The following CNTRL variants were observed in gnomAD, a reference collection of about 807,000 sequenced individuals.
CNTRL encodes the protein 110 kDa centrosomal protein.
CNTRL carries 233 observed loss-of-function variants against 303.7 expected under a neutral mutation model. The observed-to-expected ratio is 0.77, with a 90% CI of 0.69 to 0.86. The LOEUF (loss-of-function observed/expected upper bound fraction) is 0.86, where lower values mean the gene tolerates loss of function less well. Among genes scored for constraint, CNTRL ranks in the 40% least tolerant of loss-of-function variants. The pLI is 0.00. For missense variants in CNTRL, 2,524 were observed against 2,650.6 expected (o/e 0.95, Z 1.05); for synonymous variants, 900 against 922.2 (o/e 0.98, Z 0.44).
At chr9:121,085,874 G>A (rs376274675) in intron 2 of CNTRL, among the ~76,000 whole-genome samples, 21 of 152,276 alleles carry the variant, frequency 1.4e-4, no homozygotes, top group African/African-American at 4.8e-4. Context: ...GATGAGTCCT[G>A]TTTGTAGTGC....
Position 121,160,225 on chromosome 9 carries a change from C to A in CNTRL, c.5012C>A (p.Thr1671Lys). The A allele has an allele frequency of 6.4e-7, 1 of 1,563,104 alleles. No homozygotes were observed. Among genetic ancestry groups the A allele is most frequent in the South Asian group, 1.3e-5 (1 of 79,962 alleles). The change falls in exon 32 of 44, where the codon ACA becomes AAA. Residue 1671 changes from threonine to lysine, a missense_variant. Thr to Lys is a moderately conservative substitution (Grantham distance 78). Coordinates refer to ENST00000373855, the MANE Select transcript of CNTRL (RefSeq NM_007018.6). ...ATTAGTGAAAGAAAAACTCAACTTA[C>A]ACTTATAAAGCAGGAAATTGAAAAA... ...VQISERKTQL[T>K]LIKQEIEKEE...
chr9:121,150,509 T>G, intron 25 of CNTRL, 26 bp downstream of exon 25: 3 of 1,601,768 alleles, frequency 1.9e-6, no homozygotes, highest in Non-Finnish European at 2.6e-6. Context: ...TACAACTCTC[T>G]TTCCACACTG....
chr9:121,086,251 AG>A (rs2048337063), intron 2 of CNTRL, among the ~76,000 whole-genome samples: 1 of 152,228 alleles, frequency 6.6e-6, no homozygotes, highest in Non-Finnish European at 1.5e-5. Flanking sequence ...CAAAACAGAC[AG>A]GCTCTCGTGG....
intron 31 of CNTRL, 136 bp downstream of exon 31, chr9:121,159,155 GT>G: frequency 1.2e-6 from 1 of 860,576 alleles, no homozygotes; most frequent in Non-Finnish European, 1.8e-6. Flanking sequence ...TCAGTTTGGT[GT>G]TGTTACATAT....
intron 40 of CNTRL, among the ~76,000 whole-genome samples, chr9:121,172,065 C>T (rs1019249275): frequency 6.6e-6 from 1 of 152,174 alleles, no homozygotes; most frequent in Non-Finnish European, 1.5e-5. Context: ...TGTAGCCACT[C>T]ATTTGGCCCT....
intron 4 of CNTRL, 38 bp downstream of exon 4, chr9:121,090,443 T>C: frequency 6.3e-7 from 1 of 1,584,536 alleles, no homozygotes; most frequent in Non-Finnish European, 8.6e-7. Flanking sequence ...GATACTGTTT[T>C]TAACTTTTCT....
chr9:121,082,512 CGTT>C (rs1188268180), intron 2 of CNTRL, among the ~76,000 whole-genome samples: 2 of 152,110 alleles, frequency 1.3e-5, no homozygotes, highest in African/African-American at 2.4e-5. Flanking sequence ...CTGTAAGATG[CGTT>C]GTTAGACAAT....
Position 121,173,112 on chromosome 9 carries a change from A to C in CNTRL, c.6418-131A>C, listed in dbSNP as rs902977262. 3 of 798,492 alleles carry C rather than the reference A, an allele frequency of 3.8e-6. No individual in the cohort carries two copies. In the Admixed American group the frequency reaches 9.3e-5, roughly 25 times the overall value. The allele number at this position is 798,492 out of a possible 1,614,324, so 49.5% of individuals were successfully genotyped here. ...AGTCTTGAGTATCTGAAAAATCACA[A>C]GTTTTTACAGTTCTAGTAATCATAG... On this transcript the variant is annotated intron_variant, in intron 40 of 43. Coordinates refer to ENST00000373855, the MANE Select transcript of CNTRL (RefSeq NM_007018.6).
chr9:121,138,044 T>C (rs2051290274), intron 15 of CNTRL, among the ~76,000 whole-genome samples: 2 of 152,200 alleles, frequency 1.3e-5, no homozygotes, highest in African/African-American at 4.8e-5. Context: ...TGGTAAACTT[T>C]AGTTGCATGA....
intron 15 of CNTRL, among the ~76,000 whole-genome samples, chr9:121,136,508 C>T (rs2051204009): frequency 6.6e-6 from 1 of 152,026 alleles, no homozygotes; most frequent in South Asian, 2.1e-4. Flanking sequence ...TGGGGTTTCA[C>T]CATGTTGGTC....
intron 26 of CNTRL, among the ~76,000 whole-genome samples, chr9:121,153,568 T>C (rs1297714639): frequency 2.0e-5 from 3 of 152,212 alleles, no homozygotes; most frequent in Admixed American, 1.3e-4. Context: ...ATAGCACTGT[T>C]CACACAATGT....
chr9:121,084,161 A>G (rs1370390186), intron 2 of CNTRL, among the ~76,000 whole-genome samples: 2 of 151,464 alleles, frequency 1.3e-5, no homozygotes, highest in Non-Finnish European at 2.9e-5. Flanking sequence ...CAAAGATAGC[A>G]TCATTATTAA....
chr9:121,133,723 G>A (rs888741788), intron 14 of CNTRL, among the ~76,000 whole-genome samples: 15 of 152,170 alleles, frequency 9.9e-5, no homozygotes, highest in African/African-American at 1.9e-4. Flanking sequence ...GAAATCACCC[G>A]TCGTCTGCGT....
rs774936307 is a variant in CNTRL, at chr9:121,145,221, G to T, written c.3169-23G>T. 18 of 1,595,930 alleles carry T rather than the reference G, an allele frequency of 1.1e-5. 1 individual carries two copies. In the South Asian group the frequency reaches 1.9e-4, roughly 17 times the overall value. ...AAAGAATGAATTCATTGGCAACTTTGTATGTGTAATTTTTTTAAATAGTTT... is the reference window on the plus strand; with the variant it reads ...AAAGAATGAATTCATTGGCAACTTTTTATGTGTAATTTTTTTAAATAGTTT... On this transcript the variant is annotated intron_variant, in intron 21 of 43. Transcript: ENST00000373855.
In CNTRL at chr9:121,148,706, C is replaced by G; in HGVS notation, c.3494C>G (p.Ser1165Cys). 1.9e-6 allele frequency: 3 copies of G among 1,614,060 alleles called. No individual in the cohort carries two copies. The highest frequency in any genetic ancestry group is 2.5e-6 in the Non-Finnish European group (3 of 1,179,954). The change falls in exon 24 of 44, where the codon TCT becomes TGT. Residue 1165 changes from serine to cysteine, a missense_variant. Physicochemically the swap from Ser to Cys is moderately radical, Grantham distance 112. Transcript: ENST00000373855. ...SSHSSQATKDSGVGLKYSAST... is the reference protein window; with the variant it reads ...SSHSSQATKDCGVGLKYSAST... ...CATAGTTCCCAGGCCACCAAGGACT[C>G]TGGTGTTGGCCTTAAGTACTCAGCC...
chr9:121,121,896 C>T (rs2133387934), intron 12 of CNTRL: 1 of 985,376 alleles, frequency 1.0e-6, no homozygotes, highest in Non-Finnish European at 1.2e-6. Context: ...AGCGTTCCGC[C>T]CACAGTTTCT....
At chr9:121,161,761 T>C (rs1220310595) in intron 32 of CNTRL, 95 bp from the exon 33 acceptor site, 11 of 875,716 alleles carry the variant, frequency 1.3e-5, no homozygotes, top group Non-Finnish European at 2.0e-5. Flanking sequence ...TAAAATTGTC[T>C]TGTATTAGTC....
At chr9:121,152,720 G>A in intron 26 of CNTRL, 27 bp downstream of exon 26, 1 of 1,491,090 alleles carries the variant, frequency 6.7e-7, no homozygotes, top group Non-Finnish European at 9.3e-7. Flanking sequence ...TTATAATTCA[G>A]ACAAATACGA....
chr9:121,124,110 T>TA, intron 13 of CNTRL, 26 bp downstream of exon 13: 3 of 1,576,192 alleles, frequency 1.9e-6, no homozygotes, highest in Non-Finnish European at 2.6e-6. Context: ...TGATTTAAGG[T>TA]AAATCAGTGT....
Sources: allele counts gnomAD v4.1 joint callset (sites outside exome capture counted in the v4.1 genomes callset), GRCh38; gene constraint gnomAD v4.1.1; transcripts MANE v1.5; gene names NCBI Gene and HGNC (gene_info 2026-07-23, HGNC 2026-07-21).